The following SLC14A2 variants were observed in gnomAD, a reference collection of about 807,000 sequenced individuals.
SLC14A2 encodes the protein urea transporter 2.
Under a neutral mutation model 104.6 loss-of-function variants are expected in SLC14A2, and 91 were observed. The observed-to-expected ratio is 0.87, with a 90% CI of 0.73 to 1.04. The LOEUF (loss-of-function observed/expected upper bound fraction) is 1.04. SLC14A2 is among the 50% of genes least tolerant of loss of function. The pLI is 0.00. For missense variants in SLC14A2, 1,189 were observed against 1,156.0 expected (o/e 1.03, Z -0.41); for synonymous variants, 476 against 466.4 (o/e 1.02, Z -0.27).
At chr18:45,571,272 G>T (rs1304951838) in intron 2 of SLC14A2, among the ~76,000 whole-genome samples, 1 of 152,250 alleles carries the variant, frequency 6.6e-6, no homozygotes, top group African/African-American at 2.4e-5. Context: ...TTTGTGCTGA[G>T]CATTGGGTTA....
At chr18:45,618,821 C>G (rs1405440824) in intron 1 of SLC14A2, among the ~76,000 whole-genome samples, 2 of 151,904 alleles carry the variant, frequency 1.3e-5, no homozygotes, top group East Asian at 3.9e-4. Flanking sequence ...ACCAACAACT[C>G]AAGAAATCCC....
intron 1 of SLC14A2, among the ~76,000 whole-genome samples, chr18:45,298,434 G>A (rs1193269458): frequency 1.3e-5 from 2 of 152,178 alleles, no homozygotes; most frequent in Non-Finnish European, 1.5e-5. Flanking sequence ...CAATCCAAGG[G>A]CGTAGCAAGA....
At chr18:45,184,996 T>C in the SLC14A2 span, among the ~76,000 whole-genome samples, 18,368 of 152,214 alleles carry the variant, frequency 0.12, 1,422 homozygotes, top group Middle Eastern at 0.21. Context: ...GAAGGACGTA[T>C]GTGCTAGTAT....
chr18:45,205,170 C>A, the SLC14A2 span, among the ~76,000 whole-genome samples: 1 of 152,172 alleles, frequency 6.6e-6, no homozygotes, highest in Non-Finnish European at 1.5e-5. Flanking sequence ...GGGGCCCAGA[C>A]CTTCCCCTAG....
intron 1 of SLC14A2, among the ~76,000 whole-genome samples, chr18:45,446,663 T>G (rs16978374): frequency 0.13 from 19,161 of 152,254 alleles, 1,556 homozygotes; most frequent in Admixed American, 0.24. Context: ...GCTCCCAAAA[T>G]GTCCACTTTA....
intron 1 of SLC14A2, among the ~76,000 whole-genome samples, chr18:45,228,059 T>C (rs542832727): frequency 1.3e-5 from 2 of 152,302 alleles, no homozygotes; most frequent in East Asian, 3.9e-4. Context: ...TCATTGCCAT[T>C]GGCAATGTTC....
At chr18:45,265,941 T>C (rs1282511956) in intron 1 of SLC14A2, among the ~76,000 whole-genome samples, 1 of 152,140 alleles carries the variant, frequency 6.6e-6, no homozygotes, top group Non-Finnish European at 1.5e-5. Context: ...GAGTGTACCT[T>C]CCACTAGGCA....
At chr18:45,436,679 T>C (rs2086601498) in intron 1 of SLC14A2, 1 of 152,200 alleles carries the variant, frequency 6.6e-6, no homozygotes, top group African/African-American at 2.4e-5. Context: ...ACAGGCGATT[T>C]GAGGTGATGA....
intron 4 of SLC14A2, among the ~76,000 whole-genome samples, chr18:45,628,122 A>G (rs988206732): frequency 6.6e-6 from 1 of 151,962 alleles, no homozygotes; most frequent in African/African-American, 2.4e-5. Context: ...AACTTTCCTG[A>G]TGGTCAGAAT....
At chr18:45,407,558 A>C (rs1044938484) in intron 1 of SLC14A2, among the ~76,000 whole-genome samples, 1 of 152,222 alleles carries the variant, frequency 6.6e-6, no homozygotes, top group Non-Finnish European at 1.5e-5. Context: ...CAACTTGGCT[A>C]ACTGGCTCAA....
Position 45,667,989 on chromosome 18 carries a change from C to A in SLC14A2, c.1874C>A (p.Ser625Tyr). The A allele has an allele frequency of 6.2e-7, 1 of 1,614,110 alleles. No homozygotes were observed. The highest frequency in any genetic ancestry group is 8.5e-7 in the Non-Finnish European group (1 of 1,180,014). The change falls in exon 14 of 20, where the codon TCC (serine) becomes TAC (tyrosine). Residue 625 changes from serine to tyrosine, a missense_variant. Coordinates refer to ENST00000255226, the MANE Select transcript of SLC14A2 (RefSeq NM_007163.4). The stretch of plus-strand genomic sequence containing the variant: ...TCAGGCTGCCTGGGTACCATCATGT[C>A]CACCTTGACAGCCCTCATCCTGAGT... ...AISGCLGTIM[S>Y]TLTALILSQD...
intron 2 of SLC14A2, among the ~76,000 whole-genome samples, chr18:45,509,814 A>G (rs987745422): frequency 1.3e-5 from 2 of 152,224 alleles, no homozygotes; most frequent in Non-Finnish European, 2.9e-5. Flanking sequence ...AGGGCCCCAC[A>G]CTGTGACTTC....
chr18:45,682,576 C>T lies in SLC14A2; in HGVS notation c.*57C>T. On this transcript the variant is annotated 3_prime_UTR_variant, in exon 20 of 20. Transcript: ENST00000255226. ...TCAGGCTTCAGCACGCCGTCCAGATCCCCAGGATAAGAGACCACTTAGCCT... is the reference window on the plus strand; with the variant it reads ...TCAGGCTTCAGCACGCCGTCCAGATTCCCAGGATAAGAGACCACTTAGCCT... The T allele has an allele frequency of 1.4e-6, 2 of 1,433,110 alleles. No individual in the cohort carries two copies. Among genetic ancestry groups the T allele is most frequent in the Middle Eastern group, 1.8e-4 (1 of 5,606 alleles). 88.8% of individuals were successfully genotyped at this position (1,433,110 alleles called of 1,614,324 possible). A position where few individuals can be genotyped will look rare whatever the true frequency, so the allele number is the denominator to read the frequency against.
chr18:45,313,903 A>G (rs780899954), intron 1 of SLC14A2, among the ~76,000 whole-genome samples: 13 of 152,058 alleles, frequency 8.5e-5, no homozygotes, highest in Non-Finnish European at 1.2e-4. Flanking sequence ...TCCTGTTTTT[A>G]TTGTTGAAAA....
At chr18:45,327,483 A>G (rs1233755681) in intron 1 of SLC14A2, among the ~76,000 whole-genome samples, 2 of 152,214 alleles carry the variant, frequency 1.3e-5, no homozygotes, top group Non-Finnish European at 2.9e-5. Flanking sequence ...ATCATCCCAA[A>G]CAGAAACCGT....
At chr18:45,280,718 G>T (rs758003138) in intron 1 of SLC14A2, among the ~76,000 whole-genome samples, 2 of 152,138 alleles carry the variant, frequency 1.3e-5, no homozygotes, top group African/African-American at 2.4e-5. Flanking sequence ...AGCTCAAGGT[G>T]CCACAAGCTT....
chr18:45,411,135 T>C (rs915204737), intron 1 of SLC14A2, among the ~76,000 whole-genome samples: 11 of 152,210 alleles, frequency 7.2e-5, no homozygotes, highest in African/African-American at 2.7e-4. Flanking sequence ...AATTCACTAA[T>C]TCAGTGTTTG....
At position 45,429,107 on chromosome 18, in the gene SLC14A2, T is replaced by C. The variant is rs567034346; in HGVS notation, c.-124-54126T>C. ...TACTCCCTGAACAAGAATGAAGTTA[T>C]AGTGGAGGATGGAAGAGAAGACATT... On this transcript the variant is annotated intron_variant, in intron 1 of 20. Transcript: ENST00000586448. Among the ~76,000 whole-genome samples, 5 of 152,302 alleles carry C rather than the reference T, an allele frequency of 3.3e-5. No individual in the cohort carries two copies. In the South Asian group the frequency reaches 1.0e-3, roughly 32 times the overall value.
chr18:45,491,499 A>G (rs975492842), intron 2 of SLC14A2, among the ~76,000 whole-genome samples: 1 of 152,236 alleles, frequency 6.6e-6, no homozygotes, highest in Non-Finnish European at 1.5e-5. Context: ...GAAAGGATAA[A>G]AAGGGTGCGA....
Sources: gnomAD v4.1 joint callset for allele counts (sites outside exome capture counted in the v4.1 genomes callset) on GRCh38, gnomAD v4.1.1 for gene constraint, MANE v1.5 for transcripts, NCBI Gene and HGNC (gene_info 2026-07-23, HGNC 2026-07-21) for gene names.